SMOC1: variants seen among roughly 807,000 people sequenced by gnomAD.
SMOC1 encodes SPARC related modular calcium binding 1, also known as SPARC-related modular calcium-binding protein 1.
In SMOC1, 22 loss-of-function variants were observed where a neutral mutation model predicts 56.3. The ratio of observed to expected loss-of-function variants is 0.39; its 90% CI spans 0.28 to 0.56. The LOEUF (loss-of-function observed/expected upper bound fraction) is 0.56. Among genes scored for constraint, SMOC1 ranks in the 20% least tolerant of loss-of-function variants. SMOC1 has a pLI of 0.61. For synonymous variants in SMOC1, 193 were observed against 215.0 expected, an observed-to-expected ratio of 0.90 and a Z score of 0.89; for missense variants, 509 against 565.4, an observed-to-expected ratio of 0.90 and a Z score of 1.01.
At chr14:70,007,352 T>A (rs1885183677) in intron 7 of SMOC1, among the ~76,000 whole-genome samples, 1 of 152,260 alleles carries the variant, frequency 6.6e-6, no homozygotes, top group South Asian at 2.1e-4. Flanking sequence ...TTAGCTATTG[T>A]TATTCATTTT....
At chr14:69,949,799 G>T (rs961124445) in intron 1 of SMOC1, among the ~76,000 whole-genome samples, 2 of 152,184 alleles carry the variant, frequency 1.3e-5, no homozygotes, top group Non-Finnish European at 2.9e-5. Flanking sequence ...GGGCCCCCGG[G>T]TCTGATTCTC....
chr14:69,900,396 G>T (rs1884211927), intron 1 of SMOC1, among the ~76,000 whole-genome samples: 1 of 152,220 alleles, frequency 6.6e-6, no homozygotes. Context: ...GTGCCAGCTA[G>T]TGTTCTAGGC....
At chr14:69,908,355 C>T (rs894569616) in intron 1 of SMOC1, among the ~76,000 whole-genome samples, 1 of 152,160 alleles carries the variant, frequency 6.6e-6, no homozygotes, top group Non-Finnish European at 1.5e-5. Context: ...ACTGAATCTG[C>T]GTGTGTGCTC....
At chr14:69,905,834 C>T (rs139774116) in intron 1 of SMOC1, among the ~76,000 whole-genome samples, 41 of 152,238 alleles carry the variant, frequency 2.7e-4, no homozygotes, top group African/African-American at 9.9e-4. Flanking sequence ...TTGGGTAGTA[C>T]AGAAAGAGAA....
intron 11 of SMOC1, among the ~76,000 whole-genome samples, chr14:70,026,720 C>T (rs1389847362): frequency 6.6e-6 from 1 of 152,146 alleles, no homozygotes; most frequent in Non-Finnish European, 1.5e-5. Context: ...AAGCCCGTGT[C>T]TGTGACATGT....
chr14:69,902,677 G>C (rs890901850), intron 1 of SMOC1, among the ~76,000 whole-genome samples: 69 of 152,192 alleles, frequency 4.5e-4, no homozygotes, highest in Admixed American at 3.0e-3. Flanking sequence ...GCCGAAGCTG[G>C]ACTGTACTGC....
At chr14:69,935,400 ACAAGT>A (rs546481862) in intron 1 of SMOC1, among the ~76,000 whole-genome samples, 147 of 152,354 alleles carry the variant, frequency 9.6e-4, no homozygotes, top group Non-Finnish European at 1.9e-3. Context: ...ACACTCCAGC[ACAAGT>A]CATCCTTAGC....
chr14:70,030,378 C>T lies in SMOC1; in HGVS notation c.*120C>T, dbSNP rs2139633098. 9.4e-6 allele frequency: 12 copies of T among 1,276,968 alleles called. No homozygotes were observed. The highest frequency in any genetic ancestry group is 1.3e-5 in the Non-Finnish European group (12 of 901,486). 79.1% of individuals were successfully genotyped at this position (1,276,968 alleles called of 1,614,324 possible). A position where few individuals can be genotyped will look rare whatever the true frequency, so the allele number is the denominator to read the frequency against. On this transcript the variant is annotated 3_prime_UTR_variant, in exon 12 of 12. Transcript: ENST00000361956. ...CCCGTGTAACATAAGTGGTGCCCAC[C>T]ATGTTTGCACTTTTAATAACTCTTA... is the stretch of plus-strand genomic sequence containing the variant.
chr14:69,895,891 G>T (rs189688004), intron 1 of SMOC1, among the ~76,000 whole-genome samples: 66 of 139,796 alleles, frequency 4.7e-4, no homozygotes, highest in African/African-American at 1.6e-3. Flanking sequence ...TTGAGACAGG[G>T]TCTTGTTCTG....
rs892988366 is a variant in SMOC1, at chr14:70,031,141, CTG to C, written c.*885_*886del. On this transcript the variant is annotated 3_prime_UTR_variant, in exon 12 of 12. Transcript: ENST00000361956. Reference sequence around the variant, plus strand: ...TTTTCATCCATGCTTAGCATCTACTCTGTATAACGCATGAGAGGGGAGGCAAA... The same window carrying C: ...TTTTCATCCATGCTTAGCATCTACTCTATAACGCATGAGAGGGGAGGCAAA... 1.3e-5 allele frequency: 2 copies of C among 152,178 alleles called. No homozygotes were observed. The highest frequency in any genetic ancestry group is 4.8e-5 in the African/African-American group (2 of 41,414). 9.4% of individuals were successfully genotyped at this position (152,178 alleles called of 1,614,324 possible).
At chr14:69,893,116 T>C (rs1412401135) in intron 1 of SMOC1, among the ~76,000 whole-genome samples, 1 of 152,252 alleles carries the variant, frequency 6.6e-6, no homozygotes, top group African/African-American at 2.4e-5. Context: ...CTATCCTTTA[T>C]ATTTCTCGTA....
At chr14:69,946,623 C>T (rs567567863) in intron 1 of SMOC1, among the ~76,000 whole-genome samples, 2 of 152,330 alleles carry the variant, frequency 1.3e-5, no homozygotes, top group East Asian at 3.9e-4. Context: ...CTTGCTCCTG[C>T]CCAATCCCCC....
At position 70,010,945 on chromosome 14, in the gene SMOC1, C is replaced by T. The variant is rs201524036; in HGVS notation, c.856C>T (p.Arg286Cys). 4 of 1,612,190 alleles carry T rather than the reference C, an allele frequency of 2.5e-6. No individual in the cohort carries two copies. The highest frequency in any genetic ancestry group is 1.3e-5 in the African/African-American group (1 of 74,980). The stretch of plus-strand genomic sequence containing the variant: ...GCGCCCGCTGCCTGGGACCTCCACA[C>T]GGTAAGCCCCCCAGACTGGGTCCTG... The part of the protein sequence containing the change: ...TGRPLPGTST[R>C]YVMPSCESDA... Residue 286 changes from arginine to cysteine, a missense_variant and splice_region_variant, in exon 8 of 12, where the codon CGC becomes TGC. Arg to Cys is a radical substitution (Grantham distance 180). Coordinates refer to ENST00000361956, the MANE Select transcript of SMOC1 (RefSeq NM_001034852.3).
chr14:69,923,932 G>A (rs941711260), intron 1 of SMOC1, among the ~76,000 whole-genome samples: 16 of 152,148 alleles, frequency 1.1e-4, no homozygotes, highest in African/African-American at 3.6e-4. Context: ...ACCTCCCTAG[G>A]GTCCCCTGGT....
chr14:69,912,533 A>C (rs550414199), intron 1 of SMOC1, among the ~76,000 whole-genome samples: 13 of 152,230 alleles, frequency 8.5e-5, no homozygotes, highest in Non-Finnish European at 1.6e-4. Flanking sequence ...GATTACAGGC[A>C]TGAGTCACTG....
At chr14:69,998,299 T>G (rs1335815240) in intron 7 of SMOC1, among the ~76,000 whole-genome samples, 2 of 152,202 alleles carry the variant, frequency 1.3e-5, no homozygotes, top group Non-Finnish European at 2.9e-5. Flanking sequence ...CAGGAATTCC[T>G]TTTGCATTCA....
chr14:69,895,684 A>G (rs887233467), intron 1 of SMOC1, among the ~76,000 whole-genome samples: 1 of 152,104 alleles, frequency 6.6e-6, no homozygotes, highest in South Asian at 2.1e-4. Flanking sequence ...AGGATGCATC[A>G]TTCCATACTT....
Position 70,023,396 on chromosome 14 carries a change from A to G in SMOC1, c.1240A>G (p.Lys414Glu). 6.2e-7 allele frequency: 1 copy of G among 1,614,080 alleles called. No homozygotes were observed. Among genetic ancestry groups the G allele is most frequent in the East Asian group, 2.2e-5 (1 of 44,874 alleles). Residue 414 changes from lysine to glutamate, a missense_variant, in exon 11 of 12, where the codon AAG becomes GAG. By Grantham distance (56) the Lys-to-Glu change is moderately conservative. This residue lies in a region of SMOC1 where 176 missense variants were observed against 188.1 expected (regional missense o/e 0.94). Coordinates refer to ENST00000361956, the MANE Select transcript of SMOC1 (RefSeq NM_001034852.3). ...CGACTACTGTGACCTGAACAAAGAC[A>G]AGGTCATTTCACTGCCTGAGCTGAA... is the stretch of plus-strand genomic sequence containing the variant. Reference protein sequence around the residue: ...FTDYCDLNKDKVISLPELKGC... With the variant: ...FTDYCDLNKDEVISLPELKGC...
chr14:69,936,363 G>A (rs570198064), intron 1 of SMOC1, among the ~76,000 whole-genome samples: 1 of 152,370 alleles, frequency 6.6e-6, no homozygotes, highest in East Asian at 1.9e-4. Context: ...ACGTGGTGAG[G>A]ATGCAGTTGC....
Sources: gnomAD v4.1 joint callset for allele counts (sites outside exome capture counted in the v4.1 genomes callset) on GRCh38, gnomAD v4.1.1 for gene constraint, gnomAD v4.1.1 regional missense constraint, MANE v1.5 for transcripts, NCBI Gene and HGNC (gene_info 2026-07-23, HGNC 2026-07-21) for gene names.